Variants in AGBL1 observed in about 807,000 individuals in gnomAD.
AGBL1 encodes the protein cytosolic carboxypeptidase 4.
In AGBL1, 130 loss-of-function variants were observed where a neutral mutation model predicts 118.9. The observed-to-expected ratio is 1.09, with a 90% CI of 0.95 to 1.26. AGBL1 has a LOEUF of 1.26. Among genes scored for constraint, AGBL1 ranks in the 50% most tolerant of loss-of-function variants. The pLI, the probability that AGBL1 is intolerant of heterozygous loss-of-function variation, is 0.00. For missense variants in AGBL1, 1,584 were observed against 1,298.1 expected, an observed-to-expected ratio of 1.22 and a Z score of -3.38; for synonymous variants, 555 against 478.9, an observed-to-expected ratio of 1.16 and a Z score of -2.08.
At chr15:86,319,520 C>T (rs1202100759) in intron 17 of AGBL1, among the ~76,000 whole-genome samples, 4 of 152,180 alleles carry the variant, frequency 2.6e-5, no homozygotes, top group Admixed American at 1.3e-4. Context: ...GTCTTTCTCT[C>T]ACATTATATA....
Position 86,218,471 on chromosome 15 carries a change from C to G in AGBL1, c.489-6443C>G, listed in dbSNP as rs140943117. 7.2e-5 allele frequency among the ~76,000 whole-genome samples: 11 copies of G among 152,230 alleles called. No homozygotes were observed. In the East Asian group the frequency reaches 2.1e-3, roughly 29 times the overall value. ...TGGCCCCCTGCCATGATCCTCACCT[C>G]CTGTTGTTTATACCTTTATGTTATT... On this transcript the variant is annotated intron_variant, in intron 5 of 22. Transcript: ENST00000614907.
intron 1 of AGBL1, among the ~76,000 whole-genome samples, chr15:86,115,036 T>A (rs1567063769): frequency 6.6e-6 from 1 of 152,214 alleles, no homozygotes; most frequent in African/African-American, 2.4e-5. Context: ...GGGTTATGGA[T>A]AAACACTGCC....
intron 3 of AGBL1, among the ~76,000 whole-genome samples, chr15:86,153,945 T>A (rs958993532): frequency 3.9e-5 from 6 of 152,196 alleles, no homozygotes; most frequent in African/African-American, 1.4e-4. Context: ...ATTACAAACC[T>A]AATAAAATTA....
At chr15:87,022,692 G>C (rs1596751718) in intron 24 of AGBL1, among the ~76,000 whole-genome samples, 1 of 152,036 alleles carries the variant, frequency 6.6e-6, no homozygotes, top group East Asian at 1.9e-4. Flanking sequence ...AGAATCTTAA[G>C]AGCTGTGAGA....
chr15:86,211,785 C>G (rs536217383), intron 5 of AGBL1, among the ~76,000 whole-genome samples: 2 of 152,312 alleles, frequency 1.3e-5, no homozygotes, highest in African/African-American at 4.8e-5. Flanking sequence ...CCCCTGACCC[C>G]TTGCACTTCC....
intron 18 of AGBL1, among the ~76,000 whole-genome samples, chr15:86,401,217 G>C (rs1264397266): frequency 6.6e-6 from 1 of 152,056 alleles, no homozygotes; most frequent in Admixed American, 6.6e-5. Flanking sequence ...TAGTGAAGTT[G>C]AGCATTTTTT....
intron 18 of AGBL1, among the ~76,000 whole-genome samples, chr15:86,458,817 T>C (rs146030657): frequency 2.6e-5 from 4 of 152,264 alleles, no homozygotes; most frequent in Middle Eastern, 3.4e-3. Flanking sequence ...TCCTGTGTAG[T>C]TAAGTGCTAT....
chr15:86,109,878 T>A (rs935947229), intron 1 of AGBL1: 4 of 152,226 alleles, frequency 2.6e-5, no homozygotes, highest in Non-Finnish European at 4.4e-5. Context: ...GCCATTGCTA[T>A]AATCAGATGG....
intron 22 of AGBL1, among the ~76,000 whole-genome samples, chr15:86,800,430 C>T (rs1341383616): frequency 6.6e-6 from 1 of 152,014 alleles, no homozygotes; most frequent in East Asian, 1.9e-4. Flanking sequence ...AAAAAAGGCC[C>T]AGAATTTCCT....
chr15:86,617,702 C>T (rs981776631), intron 21 of AGBL1, among the ~76,000 whole-genome samples: 7 of 151,686 alleles, frequency 4.6e-5, no homozygotes, highest in Non-Finnish European at 8.8e-5. Context: ...TATAAGATTG[C>T]TGTTTCATAG....
intron 17 of AGBL1, among the ~76,000 whole-genome samples, chr15:86,363,370 A>G (rs112729060): frequency 0.024 from 3,660 of 152,052 alleles, 58 homozygotes; most frequent in Middle Eastern, 0.071. Flanking sequence ...ATTCTTTGTA[A>G]CTTTCTGGTT....
chr15:86,958,270 TA>T (rs1214637180), intron 23 of AGBL1, among the ~76,000 whole-genome samples: 1 of 151,544 alleles, frequency 6.6e-6, no homozygotes, highest in Admixed American at 6.6e-5. Context: ...CTTTGCATTG[TA>T]TTAATGGAAT....
intron 5 of AGBL1, among the ~76,000 whole-genome samples, chr15:86,203,799 A>G (rs1038998940): frequency 1.2e-4 from 18 of 152,158 alleles, no homozygotes; most frequent in African/African-American, 4.3e-4. Flanking sequence ...GTATTGTGGG[A>G]AAGGAAATGA....
At chr15:86,751,519 C>G (rs1288029667) in intron 22 of AGBL1, among the ~76,000 whole-genome samples, 2 of 152,018 alleles carry the variant, frequency 1.3e-5, no homozygotes, top group East Asian at 3.9e-4. Flanking sequence ...AAAGCAAAAA[C>G]TGACAAATGG....
chr15:86,710,493 T>C (rs2086537563), intron 22 of AGBL1, among the ~76,000 whole-genome samples: 2 of 152,198 alleles, frequency 1.3e-5, no homozygotes, highest in Non-Finnish European at 1.5e-5. Flanking sequence ...AGCATTACAT[T>C]TGGAAAAGTG....
At chr15:86,442,403 G>A (rs1185554263) in intron 18 of AGBL1, among the ~76,000 whole-genome samples, 2 of 152,126 alleles carry the variant, frequency 1.3e-5, no homozygotes, top group East Asian at 1.9e-4. Context: ...TGGCCTAGAT[G>A]CCTCTTCCTC....
chr15:86,192,464 G>T (rs1292174844), intron 5 of AGBL1, among the ~76,000 whole-genome samples: 1 of 151,670 alleles, frequency 6.6e-6, no homozygotes, highest in South Asian at 2.1e-4. Context: ...TCTATCACAT[G>T]GGCCATTCTA....
At chr15:86,548,980 G>A (rs369160351) in intron 20 of AGBL1, among the ~76,000 whole-genome samples, 146 of 152,012 alleles carry the variant, frequency 9.6e-4, no homozygotes, top group African/African-American at 3.3e-3. Flanking sequence ...AAGAGTCAGG[G>A]GGAGGTGTCA....
chr15:86,169,031 G>A lies in AGBL1; in HGVS notation c.488+10005G>A, dbSNP rs527541173. 2.0e-5 allele frequency among the ~76,000 whole-genome samples: 3 copies of A among 152,302 alleles called. No homozygotes were observed. The East Asian group carries it at 5.8e-4, about 29-fold the overall frequency. ...TGGACATTAGGCAACGAAGGGCAGT[G>A]ATTCCTGAGAGATAAGCCCTTAAAT... On this transcript the variant is annotated intron_variant, in intron 5 of 22. Transcript: ENST00000614907.
Sources: gnomAD v4.1 joint callset for allele counts (sites outside exome capture counted in the v4.1 genomes callset) on GRCh38, gnomAD v4.1.1 for gene constraint, MANE v1.5 for transcripts, NCBI Gene and HGNC (gene_info 2026-07-23, HGNC 2026-07-21) for gene names.